NFIB: variants seen among roughly 807,000 people sequenced by gnomAD.
NFIB encodes nuclear factor 1 B-type.
A neutral mutation model predicts 61.5 loss-of-function variants in NFIB; 11 were observed. That is an observed-to-expected ratio of 0.18 (90% CI 0.11 to 0.30). NFIB has a LOEUF of 0.30. NFIB is among the 10% of genes least tolerant of loss of function. The pLI is 1.00. For synonymous variants in NFIB, 260 were observed against 216.5 expected (o/e 1.20, Z -1.76); for missense variants, 471 against 608.9 (o/e 0.77, Z 2.38).
At chr9:14,411,575 T>C in the NFIB span, among the ~76,000 whole-genome samples, 2 of 152,140 alleles carry the variant, frequency 1.3e-5, no homozygotes, top group African/African-American at 2.4e-5. Context: ...CACCCCTTGT[T>C]AGTGGATTGA....
At chr9:14,399,904 T>G (rs1156443112), upstream of NFIB, among the ~76,000 whole-genome samples, 1 of 152,142 alleles carries the variant, frequency 6.6e-6, no homozygotes, top group Non-Finnish European at 1.5e-5. Context: ...AAATGCACTC[T>G]TGTCCCTGGC....
At chr9:14,206,280 AAT>A (rs1342186348) in intron 2 of NFIB, among the ~76,000 whole-genome samples, 1 of 151,404 alleles carries the variant, frequency 6.6e-6, no homozygotes, top group African/African-American at 2.4e-5. Flanking sequence ...AGGTTCAAAC[AAT>A]CCTCCCACCT....
At chr9:14,457,522 C>T in the NFIB span, among the ~76,000 whole-genome samples, 1 of 150,640 alleles carries the variant, frequency 6.6e-6, no homozygotes, top group Non-Finnish European at 1.5e-5. Flanking sequence ...CAGAGAAGAA[C>T]TGAAGGAGAC....
the NFIB span, among the ~76,000 whole-genome samples, chr9:14,463,464 G>GA: frequency 2.7e-3 from 409 of 151,354 alleles, 3 homozygotes; most frequent in Admixed American, 0.012. Context: ...AATATCCTAG[G>GA]AAAAAAAAGC....
upstream of NFIB, among the ~76,000 whole-genome samples, chr9:14,315,593 G>A (rs1379069039): frequency 6.9e-6 from 1 of 145,178 alleles, no homozygotes; most frequent in South Asian, 2.1e-4. Flanking sequence ...AGAGGCTGCG[G>A]GCCCTGAGCC....
intron 10 of NFIB, among the ~76,000 whole-genome samples, chr9:14,090,923 A>G (rs558105467): frequency 6.6e-6 from 1 of 152,184 alleles, no homozygotes; most frequent in African/African-American, 2.4e-5. Context: ...AGTTCTTTAG[A>G]AGAGACATAT....
intron 1 of NFIB, among the ~76,000 whole-genome samples, chr9:14,383,733 C>T (rs748405237): frequency 4.5e-4 from 68 of 152,274 alleles, no homozygotes; most frequent in Middle Eastern, 3.4e-3. Flanking sequence ...TGGCAGAGAG[C>T]GTACTCTGAA....
At chr9:14,507,077 A>T in the NFIB span, among the ~76,000 whole-genome samples, 3 of 152,242 alleles carry the variant, frequency 2.0e-5, no homozygotes, top group South Asian at 6.2e-4. Flanking sequence ...CATTTAAAAA[A>T]GTTTTTAGAG....
intron 2 of NFIB, among the ~76,000 whole-genome samples, chr9:14,222,946 T>C (rs190566174): frequency 2.6e-5 from 4 of 152,294 alleles, no homozygotes; most frequent in Non-Finnish European, 5.9e-5. Flanking sequence ...GAATTCTATC[T>C]AGTGGCTTAT....
the NFIB span, among the ~76,000 whole-genome samples, chr9:14,419,369 G>A: frequency 6.6e-6 from 1 of 151,696 alleles, no homozygotes; most frequent in Non-Finnish European, 1.5e-5. Context: ...CAGATTCAGG[G>A]GACCAGGGAG....
At chr9:14,309,240 A>C (rs1005928713) in intron 1 of NFIB, among the ~76,000 whole-genome samples, 26 of 152,238 alleles carry the variant, frequency 1.7e-4, no homozygotes, top group African/African-American at 6.3e-4. Flanking sequence ...AAGGTGTCAA[A>C]AATCCAATAT....
the NFIB span, among the ~76,000 whole-genome samples, chr9:14,502,007 G>A: frequency 2.0e-5 from 3 of 152,202 alleles, no homozygotes; most frequent in African/African-American, 4.8e-5. Context: ...TGAATTGGAT[G>A]AGAAATGGAA....
chr9:14,442,569 A>G, the NFIB span, among the ~76,000 whole-genome samples: 1 of 152,086 alleles, frequency 6.6e-6, no homozygotes. Context: ...TGGGAGGGAA[A>G]ATCTGTCCCA....
At chr9:14,274,029 T>C (rs2057815106) in intron 2 of NFIB, among the ~76,000 whole-genome samples, 1 of 152,086 alleles carries the variant, frequency 6.6e-6, no homozygotes, top group Non-Finnish European at 1.5e-5. Context: ...TTTTTGGAAG[T>C]CTTGTTAAAA....
chr9:14,360,540 G>A (rs1256375616), intron 1 of NFIB, among the ~76,000 whole-genome samples: 1 of 148,322 alleles, frequency 6.7e-6, no homozygotes, highest in Non-Finnish European at 1.5e-5. Context: ...GTGATTTTCT[G>A]TTTTTTTCTT....
At chr9:14,264,987 T>C (rs1388438061) in intron 2 of NFIB, among the ~76,000 whole-genome samples, 1 of 152,106 alleles carries the variant, frequency 6.6e-6, no homozygotes, top group African/African-American at 2.4e-5. Context: ...TCAGTTATTA[T>C]CAACAGTGTT....
At chr9:14,324,373 T>C (rs995646517) in intron 1 of NFIB, among the ~76,000 whole-genome samples, 1 of 152,184 alleles carries the variant, frequency 6.6e-6, no homozygotes, top group African/African-American at 2.4e-5. Context: ...AGAAGAATGA[T>C]GGATATAGAA....
At chr9:14,457,897 T>G in the NFIB span, among the ~76,000 whole-genome samples, 1 of 152,052 alleles carries the variant, frequency 6.6e-6, no homozygotes, top group Admixed American at 6.6e-5. Flanking sequence ...CCAAAAAAAG[T>G]CCAGGACCAG....
intron 2 of NFIB, among the ~76,000 whole-genome samples, chr9:14,283,112 A>G (rs996155814): frequency 1.3e-5 from 2 of 152,190 alleles, no homozygotes; most frequent in African/African-American, 4.8e-5. Flanking sequence ...CATAAATATC[A>G]AATCCAGAGA....
Sources: gnomAD v4.1 joint callset for allele counts (sites outside exome capture counted in the v4.1 genomes callset) on GRCh38, gnomAD v4.1.1 for gene constraint, MANE v1.5 for transcripts, NCBI Gene and HGNC (gene_info 2026-07-23, HGNC 2026-07-21) for gene names.